The following NEMP2 variants were observed in gnomAD, a reference collection of about 807,000 sequenced individuals.
The protein encoded by NEMP2 is UPF0571 transmembrane protein.
In NEMP2, 53 loss-of-function variants were observed where a neutral mutation model predicts 54.2. The ratio of observed to expected loss-of-function variants is 0.98; its 90% confidence interval spans 0.78 to 1.23. The LOEUF is 1.23. NEMP2 is among the 50% of genes most tolerant of loss of function. The pLI, the probability that NEMP2 is intolerant of heterozygous loss-of-function variation, is 0.00. For missense variants in NEMP2, 455 were observed against 511.3 expected (o/e 0.89, Z 1.06); for synonymous variants, 197 against 190.3 (o/e 1.04, Z -0.29).
the NEMP2 span, among the ~76,000 whole-genome samples, chr2:190,580,055 C>T: frequency 6.6e-6 from 1 of 152,102 alleles, no homozygotes; most frequent in Non-Finnish European, 1.5e-5. This position sits in a 1 kb window ranked among gnomAD's most constrained non-coding sequence, Gnocchi z 5.3. Context: ...CTTTGAATCA[C>T]GTGGGGATCT....
At chr2:190,583,331 G>A in the NEMP2 span, among the ~76,000 whole-genome samples, 2 of 151,860 alleles carry the variant, frequency 1.3e-5, no homozygotes, top group African/African-American at 4.8e-5. Context: ...GAGTCATTTA[G>A]GTATTCAAAC....
chr2:190,537,156 A>G (rs55884870), upstream of NEMP2, among the ~76,000 whole-genome samples: 34,227 of 152,188 alleles, frequency 0.22, 4,936 homozygotes, highest in South Asian at 0.33. Flanking sequence ...GAAAGAGGAA[A>G]ATTACTTAAA....
At chr2:190,643,235 A>T in the NEMP2 span, among the ~76,000 whole-genome samples, 3 of 152,218 alleles carry the variant, frequency 2.0e-5, no homozygotes, top group Non-Finnish European at 2.9e-5. Flanking sequence ...GTAACTAAAG[A>T]TGCATAAATA....
At position 190,509,435 on chromosome 2, in the gene NEMP2, G is replaced by T; in HGVS notation, c.1131-123C>A. On this transcript the variant is annotated intron_variant, in intron 8 of 8. Coordinates refer to ENST00000409150, the MANE Select transcript of NEMP2 (RefSeq NM_001142645.2). The surrounding 1 kb of genome is among the most constrained non-coding windows in gnomAD (Gnocchi z 6.1). ...TTTGACTTTGCATCAATACAGGGTGGCATTTACACAGTGGGTGTAAAAATG... is the reference window on the plus strand; with the variant it reads ...TTTGACTTTGCATCAATACAGGGTGTCATTTACACAGTGGGTGTAAAAATG... 9.1e-7 allele frequency: 1 copy of T among 1,096,476 alleles called. No homozygotes were observed. The highest frequency in any genetic ancestry group is 1.3e-6 in the Non-Finnish European group (1 of 762,466). The allele number at this position is 1,096,476 out of a possible 1,614,324, so 67.9% of individuals were successfully genotyped here.
At chr2:190,622,203 G>C in the NEMP2 span, among the ~76,000 whole-genome samples, 3 of 152,172 alleles carry the variant, frequency 2.0e-5, no homozygotes, top group South Asian at 2.1e-4. Context: ...AGGAATTCAA[G>C]ACCAGCTGGG....
At chr2:190,601,530 C>T in the NEMP2 span, among the ~76,000 whole-genome samples, 4 of 152,160 alleles carry the variant, frequency 2.6e-5, no homozygotes, top group Non-Finnish European at 5.9e-5. This position sits in a 1 kb window ranked among gnomAD's most constrained non-coding sequence, Gnocchi z 5.8. Context: ...TGTCCAAATC[C>T]AAACATCTGG....
the NEMP2 span, among the ~76,000 whole-genome samples, chr2:190,643,458 G>C: frequency 6.6e-6 from 1 of 152,252 alleles, no homozygotes; most frequent in African/African-American, 2.4e-5. Context: ...ATGGGCTGTG[G>C]GACAGAGATC....
the NEMP2 span, among the ~76,000 whole-genome samples, chr2:190,631,513 G>A: frequency 2.0e-5 from 3 of 152,234 alleles, no homozygotes; most frequent in South Asian, 6.2e-4. Flanking sequence ...ATGTACCAAA[G>A]AGCATATGTT....
rs1010890621 is a variant in NEMP2, at chr2:190,523,332, C to G, written c.213+1931G>C. Among the ~76,000 whole-genome samples the G allele has an allele frequency of 6.6e-6, 1 of 151,894 alleles. No homozygotes were observed. Reference sequence around the variant, plus strand: ...TGTTTTTTGTAATGGTATGACTTACCAATTCTGTAACTACTTTTAGTGTAT... The same window carrying G: ...TGTTTTTTGTAATGGTATGACTTACGAATTCTGTAACTACTTTTAGTGTAT... On this transcript the variant is annotated intron_variant, in intron 2 of 8. Coordinates refer to ENST00000409150, the MANE Select transcript of NEMP2 (RefSeq NM_001142645.2). This position sits in a 1 kb window ranked among gnomAD's most constrained non-coding sequence, Gnocchi z 5.3.
the NEMP2 span, among the ~76,000 whole-genome samples, chr2:190,645,004 G>A: frequency 1.3e-5 from 2 of 151,962 alleles, no homozygotes; most frequent in Non-Finnish European, 2.9e-5. Flanking sequence ...TCTACAACAC[G>A]GATTAAAATT....
At chr2:190,570,560 G>C in the NEMP2 span, among the ~76,000 whole-genome samples, 2 of 152,212 alleles carry the variant, frequency 1.3e-5, no homozygotes, top group Non-Finnish European at 2.9e-5. This position sits in a 1 kb window ranked among gnomAD's most constrained non-coding sequence, Gnocchi z 5.4. Context: ...CTGGGAGCCA[G>C]AATGTCCACA....
the NEMP2 span, among the ~76,000 whole-genome samples, chr2:190,458,728 AGAGAAGC>A: frequency 6.6e-6 from 1 of 152,188 alleles, no homozygotes; most frequent in African/African-American, 2.4e-5. The surrounding 1 kb of genome is among the most constrained non-coding windows in gnomAD (Gnocchi z 5.3). Context: ...ATCCTTACCC[AGAGAAGC>A]TTAAGTAAAA....
At chr2:190,488,642 C>A in the NEMP2 span, 22 of 1,486,058 alleles carry the variant, frequency 1.5e-5, no homozygotes, top group South Asian at 3.1e-4. The surrounding 1 kb of genome is among the most constrained non-coding windows in gnomAD (Gnocchi z 6.4). Context: ...CCCTCCTGCT[C>A]TTCTTCCTCT....
At chr2:190,557,711 CAT>C in the NEMP2 span, among the ~76,000 whole-genome samples, 2 of 152,128 alleles carry the variant, frequency 1.3e-5, no homozygotes, top group African/African-American at 4.8e-5. Context: ...GGCCAACAAA[CAT>C]ATGAAAAAAT....
chr2:190,554,908 C>T, the NEMP2 span, among the ~76,000 whole-genome samples: 1 of 152,216 alleles, frequency 6.6e-6, no homozygotes, highest in Non-Finnish European at 1.5e-5. This position sits in a 1 kb window ranked among gnomAD's most constrained non-coding sequence, Gnocchi z 5.7. Context: ...TACAGGAGAG[C>T]TCTGGCTGGC....
chr2:190,450,963 T>G, the NEMP2 span, among the ~76,000 whole-genome samples: 2 of 152,232 alleles, frequency 1.3e-5, no homozygotes, highest in African/African-American at 4.8e-5. Flanking sequence ...GATGCAGTGT[T>G]GGCCAGTGGT....
chr2:190,532,069 C>T (rs1691164197), intron 1 of NEMP2, among the ~76,000 whole-genome samples: 1 of 152,120 alleles, frequency 6.6e-6, no homozygotes, highest in Non-Finnish European at 1.5e-5. Flanking sequence ...TTCCCTATAA[C>T]TGTTTTTCTT....
chr2:190,588,176 GTGGGACCTGGTGGC>G, the NEMP2 span, among the ~76,000 whole-genome samples: 1 of 152,164 alleles, frequency 6.6e-6, no homozygotes, highest in East Asian at 1.9e-4. The surrounding 1 kb of genome is among the most constrained non-coding windows in gnomAD (Gnocchi z 5.0). Context: ...CATTTTTGCA[GTGGGACCTGGTGGC>G]TAAAAGGGAA....
At chr2:190,599,287 A>G in the NEMP2 span, among the ~76,000 whole-genome samples, 1 of 152,188 alleles carries the variant, frequency 6.6e-6, no homozygotes, top group African/African-American at 2.4e-5. Flanking sequence ...TGTGGTGAGA[A>G]TTCTGTTTCC....
Sources: gnomAD v4.1 joint callset for allele counts (sites outside exome capture counted in the v4.1 genomes callset) on GRCh38, gnomAD v4.1.1 for gene constraint, Gnocchi (gnomAD v3.1) non-coding constraint, MANE v1.5 for transcripts, NCBI Gene and HGNC (gene_info 2026-07-23, HGNC 2026-07-21) for gene names.